GRID1: variants seen among roughly 807,000 people sequenced by gnomAD.
GRID1 encodes the protein glutamate receptor ionotropic, delta-1.
In GRID1, 28 loss-of-function variants were observed where a neutral mutation model predicts 98.0. The ratio of observed to expected loss-of-function variants is 0.29; its 90% confidence interval spans 0.21 to 0.39. GRID1 has a LOEUF of 0.39. GRID1 is among the 10% of genes least tolerant of loss of function. GRID1 has a pLI of 1.00. For synonymous variants in GRID1, 553 were observed against 538.5 expected (o/e 1.03, Z -0.37); for missense variants, 1,111 against 1,340.5 (o/e 0.83, Z 2.67).
At chr10:86,297,356 A>G (rs1478258344) in intron 2 of GRID1, among the ~76,000 whole-genome samples, 3 of 152,234 alleles carry the variant, frequency 2.0e-5, no homozygotes, top group African/African-American at 7.2e-5. Flanking sequence ...CAAAGCAGGT[A>G]TCAACAAGCC....
chr10:85,668,572 A>G (rs747673590), intron 12 of GRID1, among the ~76,000 whole-genome samples: 1 of 152,152 alleles, frequency 6.6e-6, no homozygotes, highest in African/African-American at 2.4e-5. Flanking sequence ...GTGGGAGGCA[A>G]GTTTAGAAAT....
chr10:86,068,068 A>G (rs1036017024), intron 4 of GRID1, among the ~76,000 whole-genome samples: 1 of 152,196 alleles, frequency 6.6e-6, no homozygotes, highest in African/African-American at 2.4e-5. Context: ...TGTGTTAGAC[A>G]CTTTCCATTC....
chr10:85,610,937 C>T (rs1441290460), intron 15 of GRID1, among the ~76,000 whole-genome samples: 1 of 152,202 alleles, frequency 6.6e-6, no homozygotes, highest in Non-Finnish European at 1.5e-5. Flanking sequence ...CTCCATGTGT[C>T]CTCATTCCTA....
intron 2 of GRID1, among the ~76,000 whole-genome samples, chr10:86,306,994 TATCC>T (rs1320324690): frequency 6.6e-6 from 1 of 152,224 alleles, no homozygotes; most frequent in Non-Finnish European, 1.5e-5. Context: ...GTAATAAACA[TATCC>T]ATTACCTCCA....
intron 4 of GRID1, among the ~76,000 whole-genome samples, chr10:86,086,988 C>T (rs1844069131): frequency 6.6e-6 from 1 of 152,178 alleles, no homozygotes; most frequent in African/African-American, 2.4e-5. Context: ...GTTTTAAGTT[C>T]CTTTGCTTTC....
In GRID1 at chr10:86,304,931, GTTAA is replaced by G. The variant is rs533118044; in HGVS notation, c.235+59006_235+59009del. Among the ~76,000 whole-genome samples the G allele has an allele frequency of 1.1e-4, 16 of 152,230 alleles. 1 individual carries two copies. In the South Asian group the frequency reaches 3.3e-3, roughly 32 times the overall value. ...GGTGGCGTTGTCCCTGTCTGCGGTGGTTAATTTCATGGGCCAATTTTTCTAGGCT... is the reference window on the plus strand; with the variant it reads ...GGTGGCGTTGTCCCTGTCTGCGGTGGTTTCATGGGCCAATTTTTCTAGGCT... On this transcript the variant is annotated intron_variant, in intron 2 of 15. Transcript: ENST00000327946.
intron 8 of GRID1, among the ~76,000 whole-genome samples, chr10:85,822,782 A>C (rs369741696): frequency 0.022 from 3,348 of 152,154 alleles, 90 homozygotes; most frequent in Admixed American, 0.069. Context: ...AGACTTGGAA[A>C]CAACCCAAAT....
chr10:86,277,524 C>T (rs1434847366), intron 2 of GRID1, among the ~76,000 whole-genome samples: 1 of 152,080 alleles, frequency 6.6e-6, no homozygotes, highest in Non-Finnish European at 1.5e-5. Flanking sequence ...TTAATTGGCA[C>T]ATAATTGACA....
chr10:85,802,838 A>AACACACACACACACACACACACAC (rs59101010), intron 8 of GRID1, among the ~76,000 whole-genome samples: 1 of 120,878 alleles, frequency 8.3e-6, no homozygotes, highest in African/African-American at 3.2e-5. Context: ...AAGCAGAATA[A>AACACACACACACACACACACACAC]ACACACACAC....
chr10:85,689,689 C>T (rs1841311369), intron 12 of GRID1, among the ~76,000 whole-genome samples: 1 of 152,022 alleles, frequency 6.6e-6, no homozygotes, highest in South Asian at 2.1e-4. Context: ...TACTGGTACC[C>T]ATGCTAACAA....
At chr10:85,841,167 A>G (rs909714073) in intron 8 of GRID1, among the ~76,000 whole-genome samples, 1 of 152,050 alleles carries the variant, frequency 6.6e-6, no homozygotes, top group African/African-American at 2.4e-5. Flanking sequence ...CAGAAAAGAA[A>G]ACCCACAAAT....
At chr10:86,140,351 A>C (rs1844993836) in intron 3 of GRID1, among the ~76,000 whole-genome samples, 1 of 152,196 alleles carries the variant, frequency 6.6e-6, no homozygotes, top group Non-Finnish European at 1.5e-5. Flanking sequence ...ATCCAAATAA[A>C]CAGTGTTAGT....
At chr10:85,612,571 T>C (rs1842746151) in intron 15 of GRID1, among the ~76,000 whole-genome samples, 1 of 152,022 alleles carries the variant, frequency 6.6e-6, no homozygotes, top group South Asian at 2.1e-4. Context: ...GCTGTGGTTC[T>C]AGACATAGCT....
At chr10:85,760,390 T>C (rs1842136477) in intron 8 of GRID1, among the ~76,000 whole-genome samples, 2 of 152,354 alleles carry the variant, frequency 1.3e-5, no homozygotes, top group East Asian at 1.9e-4. Context: ...GCCTACTTTC[T>C]AGGTTGTTGG....
intron 8 of GRID1, among the ~76,000 whole-genome samples, chr10:85,842,871 T>C (rs1364793591): frequency 6.6e-6 from 1 of 152,060 alleles, no homozygotes; most frequent in Non-Finnish European, 1.5e-5. Context: ...AAAACAAGTG[T>C]GTTCCTACAT....
chr10:86,237,793 C>G (rs191723165), intron 2 of GRID1, among the ~76,000 whole-genome samples: 2 of 152,238 alleles, frequency 1.3e-5, no homozygotes, highest in Non-Finnish European at 2.9e-5. Context: ...TCGCCTTCCA[C>G]CATGATCCTG....
chr10:85,854,375 A>G (rs1843088254), intron 8 of GRID1, 121 bp downstream of exon 8: 1 of 868,222 alleles, frequency 1.2e-6, no homozygotes, highest in Non-Finnish European at 1.9e-6. Flanking sequence ...GCAGAGAGAG[A>G]CTAGGAGGGA....
intron 3 of GRID1, among the ~76,000 whole-genome samples, chr10:86,143,236 G>T (rs1845034345): frequency 6.6e-6 from 1 of 152,162 alleles, no homozygotes; most frequent in South Asian, 2.1e-4. Flanking sequence ...CTGCACTTGG[G>T]GTGGGGCTGG....
At chr10:85,632,910 GT>G (rs1842992240) in intron 13 of GRID1, among the ~76,000 whole-genome samples, 1 of 152,086 alleles carries the variant, frequency 6.6e-6, no homozygotes, top group African/African-American at 2.4e-5. Flanking sequence ...AGTGTGTGTT[GT>G]TCCCTTCCCT....
Sources: allele counts gnomAD v4.1 joint callset (sites outside exome capture counted in the v4.1 genomes callset), GRCh38; gene constraint gnomAD v4.1.1; transcripts MANE v1.5; gene names NCBI Gene and HGNC (gene_info 2026-07-23, HGNC 2026-07-21).